The following FRMD4A variants were observed in gnomAD, a reference collection of about 807,000 sequenced individuals.
FRMD4A encodes the protein FERM domain containing 4A.
Under a neutral mutation model 129.1 loss-of-function variants are expected in FRMD4A, and 29 were observed. The observed-to-expected ratio is 0.22, with a 90% CI of 0.17 to 0.31. The LOEUF is 0.31. Ranked by LOEUF, FRMD4A falls within the 10% of genes least tolerant of loss-of-function variation. FRMD4A has a pLI of 1.00. For synonymous variants in FRMD4A, 634 were observed against 571.6 expected (o/e 1.11, Z -1.56); for missense variants, 1,272 against 1,375.8 (o/e 0.92, Z 1.19).
chr10:14,306,993 T>C (rs1025731667), intron 2 of FRMD4A, among the ~76,000 whole-genome samples: 2 of 152,184 alleles, frequency 1.3e-5, no homozygotes, highest in African/African-American at 4.8e-5. Flanking sequence ...ACCACACTCC[T>C]ACTCCTAACA....
chr10:13,663,756 C>T (rs760937600), intron 18 of FRMD4A, among the ~76,000 whole-genome samples: 69 of 152,176 alleles, frequency 4.5e-4, no homozygotes, highest in Non-Finnish European at 7.8e-4. Context: ...GTTTGTGCCC[C>T]GGTTTCATAG....
At chr10:13,718,316 T>TG (rs1410911712) in intron 12 of FRMD4A, among the ~76,000 whole-genome samples, 32 of 152,356 alleles carry the variant, frequency 2.1e-4, no homozygotes, top group Admixed American at 2.1e-3. Context: ...AAGGAACGCT[T>TG]GCGGTCTCGC....
chr10:13,919,406 G>A (rs969807740), intron 2 of FRMD4A, among the ~76,000 whole-genome samples: 5 of 152,064 alleles, frequency 3.3e-5, no homozygotes, highest in Non-Finnish European at 5.9e-5. Flanking sequence ...TTGGCAGGGC[G>A]GGTCCAAGAG....
intron 2 of FRMD4A, among the ~76,000 whole-genome samples, chr10:14,062,758 C>A (rs1371251428): frequency 6.6e-6 from 1 of 152,188 alleles, no homozygotes; most frequent in Non-Finnish European, 1.5e-5. Context: ...TCAAGTGCCA[C>A]TGATTCATCA....
rs1843458345 is a variant in FRMD4A at position 14,330,106 on chromosome 10, C to T, written c.-4G>A. 6.4e-7 allele frequency: 1 copy of T among 1,552,374 alleles called. No individual in the cohort carries two copies. ...CGGGCACCAGCTGCACTGCCATGGT[C>T]TCCGATTCCCATGCACGAATCCTGC... is the stretch of plus-strand genomic sequence containing the variant. On this transcript the variant is annotated 5_prime_UTR_variant, in exon 2 of 25. Coordinates refer to ENST00000357447, the MANE Select transcript of FRMD4A (RefSeq NM_018027.5).
At chr10:14,107,960 G>C (rs1837672691) in intron 2 of FRMD4A, among the ~76,000 whole-genome samples, 1 of 152,096 alleles carries the variant, frequency 6.6e-6, no homozygotes, top group Non-Finnish European at 1.5e-5. Flanking sequence ...CCATCTTAGG[G>C]GCAGATTTCC....
At chr10:13,889,173 C>T (rs2094663969) in intron 2 of FRMD4A, among the ~76,000 whole-genome samples, 1 of 152,236 alleles carries the variant, frequency 6.6e-6, no homozygotes, top group Non-Finnish European at 1.5e-5. Flanking sequence ...TACTTAAAGA[C>T]AAAGGTAGCC....
At chr10:13,744,683 C>T (rs1437516188) in intron 9 of FRMD4A, 1 of 152,126 alleles carries the variant, frequency 6.6e-6, no homozygotes, top group Non-Finnish European at 1.5e-5. Flanking sequence ...GGAAAGCCCC[C>T]GAAGAATGGT....
At chr10:14,138,443 T>C (rs891049103) in intron 2 of FRMD4A, among the ~76,000 whole-genome samples, 10 of 152,178 alleles carry the variant, frequency 6.6e-5, no homozygotes, top group African/African-American at 2.2e-4. Context: ...TCCTAACGCG[T>C]TGGGATAATA....
At chr10:14,223,763 A>AAAAAAAG (rs1206702742) in intron 2 of FRMD4A, among the ~76,000 whole-genome samples, 3 of 125,178 alleles carry the variant, frequency 2.4e-5, no homozygotes, top group African/African-American at 9.5e-5. Flanking sequence ...AAAAAAAAAA[A>AAAAAAAG]AGAGAGAGAG....
chr10:14,128,058 T>C (rs28668493), intron 2 of FRMD4A, among the ~76,000 whole-genome samples: 953 of 42,834 alleles, frequency 0.022, 11 homozygotes, highest in East Asian at 0.032. Flanking sequence ...CTTTCTTTCT[T>C]TCTTTCTTTC....
rs540400041 is a variant in FRMD4A at position 14,005,240 on chromosome 10, T to A, written c.46-146328A>T. 1.2e-4 allele frequency among the ~76,000 whole-genome samples: 18 copies of A among 152,222 alleles called. 1 individual carries two copies. The highest frequency in any genetic ancestry group is 7.8e-4 in the Admixed American group (12 of 15,296). On this transcript the variant is annotated intron_variant, in intron 2 of 24. Coordinates refer to ENST00000357447, the MANE Select transcript of FRMD4A (RefSeq NM_018027.5). ...GGTTTCACCATGTTGGCCAGGATGGTCTCCATCTCCTGACCTCGTGATCCG... is the reference window on the plus strand; with the variant it reads ...GGTTTCACCATGTTGGCCAGGATGGACTCCATCTCCTGACCTCGTGATCCG...
chr10:14,224,541 A>C (rs1167338555), intron 2 of FRMD4A, among the ~76,000 whole-genome samples: 2 of 152,254 alleles, frequency 1.3e-5, no homozygotes, highest in Non-Finnish European at 2.9e-5. Flanking sequence ...CATTTTGGAC[A>C]GTCAAAATTG....
At chr10:13,805,729 C>A (rs907187594) in intron 4 of FRMD4A, among the ~76,000 whole-genome samples, 2 of 152,162 alleles carry the variant, frequency 1.3e-5, no homozygotes, top group African/African-American at 4.8e-5. Context: ...CACTCTGTCA[C>A]CAGGGCTGGA....
At chr10:14,035,429 CA>C (rs11289297) in intron 2 of FRMD4A, among the ~76,000 whole-genome samples, 3,954 of 126,940 alleles carry the variant, frequency 0.031, 157 homozygotes, top group East Asian at 0.14. Context: ...AACAAATAAA[CA>C]AAAAAAAAAA....
At chr10:14,226,564 C>A (rs1044167585) in intron 2 of FRMD4A, among the ~76,000 whole-genome samples, 1 of 152,196 alleles carries the variant, frequency 6.6e-6, no homozygotes, top group Non-Finnish European at 1.5e-5. Context: ...ATAGGCCTCT[C>A]TTCTGGGCTG....
intron 2 of FRMD4A, among the ~76,000 whole-genome samples, chr10:14,014,674 A>G (rs2095692576): frequency 6.6e-6 from 1 of 152,234 alleles, no homozygotes; most frequent in East Asian, 1.9e-4. Flanking sequence ...CAGGACCAAG[A>G]CATCAAGCAA....
At chr10:14,285,882 GTAA>G (rs1242512281) in intron 2 of FRMD4A, among the ~76,000 whole-genome samples, 1 of 152,150 alleles carries the variant, frequency 6.6e-6, no homozygotes, top group Non-Finnish European at 1.5e-5. Context: ...TAATCAAATG[GTAA>G]TGATGATGTT....
intron 2 of FRMD4A, among the ~76,000 whole-genome samples, chr10:14,052,537 G>A (rs972980219): frequency 2.6e-5 from 4 of 152,188 alleles, no homozygotes; most frequent in Non-Finnish European, 4.4e-5. Flanking sequence ...AAGCAAGAGA[G>A]TGGGGAGGAG....
Sources: allele counts gnomAD v4.1 joint callset (sites outside exome capture counted in the v4.1 genomes callset), GRCh38; gene constraint gnomAD v4.1.1; transcripts MANE v1.5; gene names NCBI Gene and HGNC (gene_info 2026-07-23, HGNC 2026-07-21).